DLG2: variants seen among roughly 807,000 people sequenced by gnomAD.
The protein encoded by DLG2 is disks large homolog 2.
In DLG2, 45 loss-of-function variants were observed where a neutral mutation model predicts 132.5. That is an observed-to-expected ratio of 0.34 (90% CI 0.27 to 0.44). The LOEUF (loss-of-function observed/expected upper bound fraction) is 0.44, where lower values mean the gene tolerates loss of function less well. Among genes scored for constraint, DLG2 ranks in the 20% least tolerant of loss-of-function variants. DLG2 has a pLI of 1.00. For synonymous variants in DLG2, 424 were observed against 419.6 expected (o/e 1.01, Z -0.13); for missense variants, 1,045 against 1,196.9 (o/e 0.87, Z 1.87).
intron 17 of DLG2, among the ~76,000 whole-genome samples, chr11:83,819,807 A>C (rs1255862038): frequency 6.6e-6 from 1 of 152,142 alleles, no homozygotes; most frequent in Admixed American, 6.5e-5. Flanking sequence ...CCCTTCAAGC[A>C]GGAGAATTAT....
At chr11:84,050,863 T>C (rs1385142314) in intron 11 of DLG2, among the ~76,000 whole-genome samples, 4 of 152,016 alleles carry the variant, frequency 2.6e-5, no homozygotes, top group African/African-American at 9.7e-5. Context: ...CTCTGTTCTG[T>C]TGCATTGGTC....
At chr11:85,509,326 C>A (rs1490734077) in intron 3 of DLG2, among the ~76,000 whole-genome samples, 1 of 152,048 alleles carries the variant, frequency 6.6e-6, no homozygotes, top group Non-Finnish European at 1.5e-5. Flanking sequence ...AGAGGCTAAT[C>A]TCATAAAAGC....
intron 7 of DLG2, among the ~76,000 whole-genome samples, chr11:84,308,896 C>T (rs1319700023): frequency 6.6e-6 from 1 of 152,216 alleles, no homozygotes; most frequent in African/African-American, 2.4e-5. Flanking sequence ...GCGCGCAGCC[C>T]CAGTTCCCGC....
intron 16 of DLG2, among the ~76,000 whole-genome samples, chr11:83,852,995 C>A (rs180757261): frequency 6.6e-6 from 1 of 152,284 alleles, no homozygotes; most frequent in East Asian, 1.9e-4. Flanking sequence ...CCTTTAGTCA[C>A]AGCAAAATCT....
At chr11:84,617,773 C>G (rs954283865) in intron 6 of DLG2, among the ~76,000 whole-genome samples, 1 of 151,940 alleles carries the variant, frequency 6.6e-6, no homozygotes, top group African/African-American at 2.4e-5. Context: ...GGGTACACTA[C>G]GAAGAAGGGA....
intron 6 of DLG2, among the ~76,000 whole-genome samples, chr11:84,571,354 C>A (rs2099484080): frequency 6.6e-6 from 1 of 151,864 alleles, no homozygotes; most frequent in Non-Finnish European, 1.5e-5. Flanking sequence ...TCTCCTTCCA[C>A]ATCTTTGCCT....
Position 85,000,117 on chromosome 11 carries a change from T to C in DLG2, c.357+111544A>G, listed in dbSNP as rs189092955. ...TGGATTTTGTCCGTTTACCTTCCTT[T>C]CTAGTGCACTTCAAGGACTATACTG... is the stretch of plus-strand genomic sequence containing the variant. On this transcript the variant is annotated intron_variant, in intron 6 of 27. Coordinates refer to ENST00000376104, the MANE Select transcript of DLG2 (RefSeq NM_001142699.3). 9.4e-4 allele frequency among the ~76,000 whole-genome samples: 143 copies of C among 152,280 alleles called. 1 individual carries two copies. Among genetic ancestry groups the C allele is most frequent in the Non-Finnish European group, 4.0e-4 (27 of 68,016 alleles).
chr11:84,650,845 CTGTA>C (rs1393429140), intron 6 of DLG2, among the ~76,000 whole-genome samples: 2 of 85,944 alleles, frequency 2.3e-5, no homozygotes, highest in African/African-American at 1.1e-4. Context: ...ATAAACTTTC[CTGTA>C]TGTGTGTGTG....
At chr11:84,017,498 A>T (rs2095246954) in intron 11 of DLG2, among the ~76,000 whole-genome samples, 1 of 152,048 alleles carries the variant, frequency 6.6e-6, no homozygotes, top group African/African-American at 2.4e-5. Context: ...TTATGTATCT[A>T]ATCAAAGTGA....
chr11:84,439,801 G>A (rs1342054959), intron 7 of DLG2, among the ~76,000 whole-genome samples: 4 of 152,098 alleles, frequency 2.6e-5, no homozygotes, highest in South Asian at 4.1e-4. Flanking sequence ...TAAAAAGAAC[G>A]GGGATAAACA....
intron 3 of DLG2, among the ~76,000 whole-genome samples, chr11:85,548,480 G>T (rs1489727182): frequency 6.6e-6 from 1 of 152,220 alleles, no homozygotes; most frequent in Admixed American, 6.5e-5. Context: ...GGACCCACTT[G>T]AGGAGGCAGT....
At chr11:83,933,815 G>A (rs968351094) in intron 14 of DLG2, among the ~76,000 whole-genome samples, 5 of 151,850 alleles carry the variant, frequency 3.3e-5, no homozygotes, top group Admixed American at 2.0e-4. Context: ...CTGTATGGTG[G>A]GGCTCAAAAA....
At chr11:85,262,423 C>T (rs539227779) in intron 4 of DLG2, among the ~76,000 whole-genome samples, 2 of 152,224 alleles carry the variant, frequency 1.3e-5, no homozygotes, top group South Asian at 2.1e-4. Flanking sequence ...TAACAAGACC[C>T]GTTTAGGATT....
intron 4 of DLG2, among the ~76,000 whole-genome samples, chr11:85,205,822 T>C (rs2081849228): frequency 6.6e-6 from 1 of 152,208 alleles, no homozygotes; most frequent in South Asian, 2.1e-4. Context: ...TATCTTCTCC[T>C]TGTATCAAAA....
chr11:84,337,538 AT>A (rs1174212400), intron 7 of DLG2, among the ~76,000 whole-genome samples: 5 of 152,072 alleles, frequency 3.3e-5, no homozygotes, highest in Non-Finnish European at 7.4e-5. Context: ...TCTACTTCTT[AT>A]TTTTAATCTG....
intron 15 of DLG2, among the ~76,000 whole-genome samples, chr11:83,896,748 T>C (rs1008462721): frequency 2.6e-5 from 4 of 152,214 alleles, no homozygotes; most frequent in African/African-American, 9.6e-5. Flanking sequence ...GAAAGTGGTT[T>C]ATCACTGATT....
chr11:85,401,880 A>G (rs2088158495), intron 3 of DLG2, among the ~76,000 whole-genome samples: 1 of 152,214 alleles, frequency 6.6e-6, no homozygotes, highest in Non-Finnish European at 1.5e-5. Flanking sequence ...GCTCATGGAT[A>G]GGAAGAATCA....
At chr11:84,433,627 T>C (rs544933446) in intron 7 of DLG2, among the ~76,000 whole-genome samples, 24 of 152,348 alleles carry the variant, frequency 1.6e-4, no homozygotes, top group Admixed American at 9.2e-4. Context: ...GAATCTCTTA[T>C]GTAGCTTATT....
intron 7 of DLG2, among the ~76,000 whole-genome samples, chr11:84,276,168 A>G (rs2097781621): frequency 6.6e-6 from 1 of 152,212 alleles, no homozygotes; most frequent in Non-Finnish European, 1.5e-5. Flanking sequence ...ATGTTCATAA[A>G]TTCAGTGAAA....
Sources: gnomAD v4.1 joint callset for allele counts (sites outside exome capture counted in the v4.1 genomes callset) on GRCh38, gnomAD v4.1.1 for gene constraint, MANE v1.5 for transcripts, NCBI Gene and HGNC (gene_info 2026-07-23, HGNC 2026-07-21) for gene names.